Variants in PARP4 observed in about 807,000 individuals in gnomAD.
PARP4 encodes the protein poly(ADP-ribose) polymerase family member 4.
A neutral mutation model predicts 187.7 loss-of-function variants in PARP4; 120 were observed. The ratio of observed to expected loss-of-function variants is 0.64; its 90% CI spans 0.55 to 0.74. The LOEUF (loss-of-function observed/expected upper bound fraction) is 0.74. Ranked by LOEUF, PARP4 falls within the 30% of genes least tolerant of loss-of-function variation. The probability of loss-of-function intolerance (pLI) is 0.00; values close to 1 mark genes in which losing one functional copy is unlikely to be tolerated. For synonymous variants in PARP4, 654 were observed against 740.9 expected, an observed-to-expected ratio of 0.88 and a Z score of 1.90; for missense variants, 1,836 against 2,070.5, an observed-to-expected ratio of 0.89 and a Z score of 2.20.
intron 1 of PARP4, among the ~76,000 whole-genome samples, chr13:24,506,298 G>A (rs1869667642): frequency 6.6e-6 from 1 of 152,272 alleles, no homozygotes; most frequent in Admixed American, 6.5e-5. Context: ...GAGTGAAGCT[G>A]CAGACCTCCG....
chr13:24,427,581 T>G (rs1870124259), intron 32 of PARP4, among the ~76,000 whole-genome samples: 1 of 152,148 alleles, frequency 6.6e-6, no homozygotes, highest in Admixed American at 6.5e-5. Flanking sequence ...ATCTTTGTCT[T>G]ATAATTAAGA....
At chr13:24,470,607 C>T (rs898954351) in intron 15 of PARP4, among the ~76,000 whole-genome samples, 35 of 152,112 alleles carry the variant, frequency 2.3e-4, no homozygotes, top group East Asian at 7.7e-4. Flanking sequence ...CAGGAAAAGG[C>T]GGGAGGCTTT....
At chr13:24,490,852 A>G in intron 9 of PARP4, 24 bp from the exon 10 acceptor site, 1 of 1,592,122 alleles carries the variant, frequency 6.3e-7, no homozygotes, top group Non-Finnish European at 8.6e-7. Context: ...TAATACACAG[A>G]TGTCAGAATC....
chr13:24,434,153 T>C (rs1426479377), intron 31 of PARP4, among the ~76,000 whole-genome samples: 1 of 152,254 alleles, frequency 6.6e-6, no homozygotes. Flanking sequence ...CATGAGGTTC[T>C]GGTCTAATGT....
chr13:24,465,453 C>CAGACATAAAAAGGAATG (rs1555235742), intron 17 of PARP4, among the ~76,000 whole-genome samples: 14 of 151,828 alleles, frequency 9.2e-5, no homozygotes, highest in African/African-American at 3.4e-4. Context: ...GAATACCATG[C>CAGACATAAAAAGGAATG]AGACCATGTC....
intron 1 of PARP4, among the ~76,000 whole-genome samples, chr13:24,504,307 C>CTT (rs11434017): frequency 0.069 from 6,026 of 87,466 alleles, 263 homozygotes; most frequent in African/African-American, 0.11. Flanking sequence ...CATTTAGGTT[C>CTT]TTTTTTTTTT....
At chr13:24,459,659 G>A (rs1440136927) in intron 18 of PARP4, among the ~76,000 whole-genome samples, 1 of 152,060 alleles carries the variant, frequency 6.6e-6, no homozygotes, top group Non-Finnish European at 1.5e-5. Flanking sequence ...ATAAAGGATG[G>A]TTTTAATTTT....
chr13:24,426,356 C>T, intron 33 of PARP4, 110 bp downstream of exon 33: 1 of 775,438 alleles, frequency 1.3e-6, no homozygotes, highest in South Asian at 2.1e-5. Flanking sequence ...TCTCTTGCTA[C>T]ATACTTATAG....
In PARP4 at chr13:24,501,800, A is replaced by G; in HGVS notation, c.167T>C (p.Leu56Pro). Residue 56 changes from leucine to proline, a missense_variant, in exon 3 of 34, where the codon CTG becomes CCG. By Grantham distance (98) the Leu-to-Pro change is moderately conservative. Around this residue, in one of 8 missense-constraint regions of PARP4, gnomAD observed 1,147 missense variants for 1,214.2 expected, o/e 0.94. Transcript: ENST00000381989. ...THIILDNADV[L>P]SQYQLNSIQK... ...GATAGAATTCAGTTGGTACTGACTC[A>G]GAACATCAGCATTATCTAAGATTAT... The G allele has an allele frequency of 6.2e-7, 1 of 1,612,328 alleles. No homozygotes were observed. The highest frequency in any genetic ancestry group is 8.5e-7 in the Non-Finnish European group (1 of 1,178,344).
chr13:24,484,494 T>C (rs1873448360), intron 12 of PARP4, among the ~76,000 whole-genome samples, 159 bp downstream of exon 12: 1 of 152,096 alleles, frequency 6.6e-6, no homozygotes. Flanking sequence ...TTAAACATTA[T>C]CAAGGATGCT....
intron 1 of PARP4, among the ~76,000 whole-genome samples, chr13:24,505,003 C>A (rs1337503960): frequency 4.6e-5 from 6 of 129,778 alleles, no homozygotes; most frequent in Non-Finnish European, 8.2e-5. Flanking sequence ...CACACCCCCG[C>A]TTTTTTTTTT....
intron 32 of PARP4, among the ~76,000 whole-genome samples, chr13:24,428,036 G>C (rs1341200521): frequency 6.6e-6 from 1 of 151,918 alleles, no homozygotes; most frequent in African/African-American, 2.4e-5. Context: ...ATGAAGAAGA[G>C]GATAAAAGAC....
chr13:24,504,514 C>T (rs1222530659), intron 1 of PARP4, among the ~76,000 whole-genome samples: 1 of 151,844 alleles, frequency 6.6e-6, no homozygotes, highest in Non-Finnish European at 1.5e-5. Flanking sequence ...AAGGTTTCAC[C>T]ATGTTGACCA....
chr13:24,494,910 C>T lies in PARP4; in HGVS notation c.592-188G>A, dbSNP rs1449961439. Among the ~76,000 whole-genome samples, 16 of 150,376 alleles carry T rather than the reference C, an allele frequency of 1.1e-4. No homozygotes were observed. The South Asian group carries it at 1.9e-3, about 18-fold the overall frequency. The stretch of plus-strand genomic sequence containing the variant: ...TTTTTGAGACAGGGTCTTGCTCTGT[C>T]GCCCAGACTGGAGTGCAGTAGCACA... On this transcript the variant is annotated intron_variant, in intron 6 of 33. Transcript: ENST00000381989.
chr13:24,458,187 G>A (rs2137480168), intron 20 of PARP4, among the ~76,000 whole-genome samples: 1 of 150,318 alleles, frequency 6.7e-6, no homozygotes, highest in East Asian at 2.0e-4. Context: ...TCAGCTCACT[G>A]CAAGCTCCGC....
At chr13:24,433,635 C>A (rs1364371457) in intron 31 of PARP4, among the ~76,000 whole-genome samples, 2 of 152,274 alleles carry the variant, frequency 1.3e-5, no homozygotes, top group East Asian at 3.9e-4. Context: ...AGTAGGGAAA[C>A]TGGGCAGCTG....
chr13:24,487,810 GCA>G (rs2137525997), intron 10 of PARP4, among the ~76,000 whole-genome samples: 1 of 152,276 alleles, frequency 6.6e-6, no homozygotes, highest in African/African-American at 2.4e-5. Context: ...TGGCTTACCA[GCA>G]CACCCCCGGG....
rs764508138 is a variant in PARP4 at position 24,456,336 on chromosome 13, T to C, written c.2562+5A>G. The C allele has an allele frequency of 3.1e-6, 5 of 1,603,906 alleles. No individual in the cohort carries two copies. Among genetic ancestry groups the C allele is most frequent in the East Asian group, 2.2e-5 (1 of 44,544 alleles). ...TCTCCTATGTCTAAGTAAAAAGGAG[T>C]ATACCTCGCTTTCTTTTTCTGGATG... On this transcript the variant is annotated splice_donor_5th_base_variant and intron_variant, in intron 21 of 33. Coordinates refer to ENST00000381989, the MANE Select transcript of PARP4 (RefSeq NM_006437.4).
At chr13:24,474,691 G>C (rs1279551822) in intron 15 of PARP4, among the ~76,000 whole-genome samples, 3 of 152,138 alleles carry the variant, frequency 2.0e-5, no homozygotes, top group Admixed American at 2.0e-4. Context: ...TCCAGAGTCT[G>C]CTTTCTAGGG....
Sources: gnomAD v4.1 joint callset for allele counts (sites outside exome capture counted in the v4.1 genomes callset) on GRCh38, gnomAD v4.1.1 for gene constraint, gnomAD v4.1.1 regional missense constraint, MANE v1.5 for transcripts, NCBI Gene and HGNC (gene_info 2026-07-23, HGNC 2026-07-21) for gene names.